Variants in EFCAB11 observed in about 807,000 individuals in gnomAD.
EFCAB11 encodes the protein EF-hand calcium-binding domain-containing protein 11.
EFCAB11 carries 14 observed loss-of-function variants against 23.0 expected under a neutral mutation model. That is an observed-to-expected ratio of 0.61 (90% confidence interval 0.40 to 0.95). The LOEUF is 0.95. EFCAB11 is among the 40% of genes least tolerant of loss of function. The probability of loss-of-function intolerance (pLI) is 0.00; values close to 1 mark genes in which losing one functional copy is unlikely to be tolerated. For synonymous variants in EFCAB11, 65 were observed against 66.6 expected, an observed-to-expected ratio of 0.98 and a Z score of 0.11; for missense variants, 198 against 195.8, an observed-to-expected ratio of 1.01 and a Z score of -0.07.
At chr14:89,875,741 G>T (rs1370853818) in intron 5 of EFCAB11, among the ~76,000 whole-genome samples, 2 of 152,182 alleles carry the variant, frequency 1.3e-5, no homozygotes, top group South Asian at 4.1e-4. Flanking sequence ...AGTTGAAGAT[G>T]GGGGTGAGAC....
chr14:89,853,424 TTGCATTATGTCAC>T (rs2140141641), intron 5 of EFCAB11, among the ~76,000 whole-genome samples: 1 of 152,346 alleles, frequency 6.6e-6, no homozygotes, highest in South Asian at 2.1e-4. Flanking sequence ...TGCATGTAAC[TTGCATTATGTCAC>T]TGAATGCCCA....
chr14:89,838,955 A>C (rs1488556463), intron 5 of EFCAB11, among the ~76,000 whole-genome samples: 1 of 152,218 alleles, frequency 6.6e-6, no homozygotes, highest in Non-Finnish European at 1.5e-5. Flanking sequence ...AAGAAATGAA[A>C]ATCTAAAGGA....
At chr14:89,949,258 C>A (rs531198613) in intron 3 of EFCAB11, among the ~76,000 whole-genome samples, 2 of 152,014 alleles carry the variant, frequency 1.3e-5, no homozygotes, top group South Asian at 2.1e-4. Flanking sequence ...TATATATACA[C>A]CTACAAAAAT....
chr14:89,935,307 ACATGTTTG>A (rs1304576809), intron 3 of EFCAB11, among the ~76,000 whole-genome samples: 2 of 152,108 alleles, frequency 1.3e-5, no homozygotes, highest in Non-Finnish European at 2.9e-5. Flanking sequence ...GGCATTCATT[ACATGTTTG>A]CTGAGTAAGT....
intron 2 of EFCAB11, 46 bp downstream of exon 2, chr14:89,953,860 A>C: frequency 2.0e-6 from 3 of 1,501,570 alleles, no homozygotes; most frequent in South Asian, 2.3e-5. Flanking sequence ...GGATCCATTC[A>C]CCTTTGATCG....
chr14:89,894,425 C>G (rs538100679), intron 5 of EFCAB11, among the ~76,000 whole-genome samples: 8 of 150,674 alleles, frequency 5.3e-5, no homozygotes, highest in South Asian at 2.1e-4. Context: ...TTGTCCCCCC[C>G]ACCTCCGCCC....
At chr14:89,814,322 C>T (rs1886254726) in intron 5 of EFCAB11, among the ~76,000 whole-genome samples, 1 of 152,184 alleles carries the variant, frequency 6.6e-6, no homozygotes. Flanking sequence ...GGACAAAGGG[C>T]TCTACTGACC....
At position 89,887,143 on chromosome 14, in the gene EFCAB11, T is replaced by C. The variant is rs546201787; in HGVS notation, c.410+44398A>G. ...TCACTGCTCTCATGAAGCTTTATAGTCAAGCCTGACAGATAGACAATAAGG... is the reference window on the plus strand; with the variant it reads ...TCACTGCTCTCATGAAGCTTTATAGCCAAGCCTGACAGATAGACAATAAGG... On this transcript the variant is annotated intron_variant, in intron 5 of 5. Transcript: ENST00000316738. Among the ~76,000 whole-genome samples the C allele has an allele frequency of 9.9e-5, 15 of 152,276 alleles. No homozygotes were observed. The South Asian group carries it at 3.1e-3, about 32-fold the overall frequency.
chr14:89,927,372 AT>A lies in EFCAB11; in HGVS notation c.410+4168del, dbSNP rs572344428. Among the ~76,000 whole-genome samples, 171 of 152,318 alleles carry A rather than the reference AT, an allele frequency of 1.1e-3. 1 individual carries two copies. In the Middle Eastern group the frequency reaches 0.02, roughly 18 times the overall value. ...TCAAGCCACAGAGGACCCCGGCCTAATTAGAATTCTCCCTCTCTAGCTGCCT... is the reference window on the plus strand; with the variant it reads ...TCAAGCCACAGAGGACCCCGGCCTAATAGAATTCTCCCTCTCTAGCTGCCT... On this transcript the variant is annotated intron_variant, in intron 5 of 5. Transcript: ENST00000316738.
intron 5 of EFCAB11, among the ~76,000 whole-genome samples, chr14:89,797,836 G>A (rs533234547): frequency 3.1e-4 from 47 of 152,278 alleles, no homozygotes; most frequent in Non-Finnish European, 6.2e-4. Flanking sequence ...GGGAGGCTGA[G>A]GCAGGAGAAT....
At chr14:89,838,576 G>A (rs879615907) in intron 5 of EFCAB11, among the ~76,000 whole-genome samples, 1 of 152,052 alleles carries the variant, frequency 6.6e-6, no homozygotes, top group African/African-American at 2.4e-5. Flanking sequence ...ATCAGATTAA[G>A]GGAGAAAAAC....
intron 5 of EFCAB11, among the ~76,000 whole-genome samples, chr14:89,864,243 G>A (rs573743784): frequency 6.6e-6 from 1 of 152,242 alleles, no homozygotes; most frequent in South Asian, 2.1e-4. Context: ...GCATAACTGA[G>A]CCATACTAAC....
chr14:89,908,930 C>G (rs918651902), intron 5 of EFCAB11, among the ~76,000 whole-genome samples: 1 of 152,114 alleles, frequency 6.6e-6, no homozygotes, highest in Admixed American at 6.5e-5. Context: ...TAAGCTGGCA[C>G]CAAAATCCCA....
intron 5 of EFCAB11, chr14:89,836,478 T>A (rs1887082837): frequency 2.3e-6 from 1 of 443,046 alleles, no homozygotes; most frequent in Admixed American, 2.4e-5. Context: ...GAAGGGGATG[T>A]GGATTAAGCA....
chr14:89,902,912 C>T (rs1227634097), intron 5 of EFCAB11, among the ~76,000 whole-genome samples: 1 of 152,162 alleles, frequency 6.6e-6, no homozygotes, highest in Non-Finnish European at 1.5e-5. Flanking sequence ...TATCTCAATA[C>T]GTCACAGGTA....
At chr14:89,951,300 C>CTT (rs1353759537) in intron 2 of EFCAB11, among the ~76,000 whole-genome samples, 5 of 152,082 alleles carry the variant, frequency 3.3e-5, no homozygotes, top group Non-Finnish European at 7.4e-5. Context: ...CTCTTACCAC[C>CTT]ACCACATCCA....
intron 5 of EFCAB11, among the ~76,000 whole-genome samples, chr14:89,823,000 G>A (rs1298703935): frequency 1.3e-5 from 2 of 152,072 alleles, no homozygotes; most frequent in African/African-American, 2.4e-5. Context: ...ATTGTGATAG[G>A]CAGAATTCCT....
chr14:89,874,736 CA>C (rs1888382924), intron 5 of EFCAB11, among the ~76,000 whole-genome samples: 1 of 152,026 alleles, frequency 6.6e-6, no homozygotes, highest in African/African-American at 2.4e-5. Context: ...CCTCTACTAA[CA>C]AAAAATTAGC....
chr14:89,944,808 T>A (rs1890907275), intron 3 of EFCAB11, among the ~76,000 whole-genome samples: 1 of 151,580 alleles, frequency 6.6e-6, no homozygotes, highest in Non-Finnish European at 1.5e-5. Context: ...TTATTTTAAA[T>A]GTGATTCTAA....
Sources: gnomAD v4.1 joint callset for allele counts (sites outside exome capture counted in the v4.1 genomes callset) on GRCh38, gnomAD v4.1.1 for gene constraint, MANE v1.5 for transcripts, NCBI Gene and HGNC (gene_info 2026-07-23, HGNC 2026-07-21) for gene names.